CNTNAP4: variants seen among roughly 807,000 people sequenced by gnomAD.
CNTNAP4 encodes contactin associated protein family member 4.
In CNTNAP4, 98 loss-of-function variants were observed where a neutral mutation model predicts 148.4. That is an observed-to-expected ratio of 0.66 (90% CI 0.56 to 0.78). The LOEUF is 0.78. Ranked by LOEUF, CNTNAP4 falls within the 30% of genes least tolerant of loss-of-function variation. The probability of loss-of-function intolerance (pLI) is 0.00; values close to 1 mark genes in which losing one functional copy is unlikely to be tolerated. For synonymous variants in CNTNAP4, 730 were observed against 565.1 expected (o/e 1.29, Z -4.14); for missense variants, 1,935 against 1,565.6 (o/e 1.24, Z -3.98).
intron 2 of CNTNAP4, among the ~76,000 whole-genome samples, chr16:76,333,602 G>A (rs1963735869): frequency 6.6e-6 from 1 of 151,804 alleles, no homozygotes; most frequent in Non-Finnish European, 1.5e-5. Context: ...CTTCCTCAGG[G>A]GCAGTTTCTA....
chr16:76,476,612 G>C (rs1351336016), intron 11 of CNTNAP4, among the ~76,000 whole-genome samples: 3 of 152,300 alleles, frequency 2.0e-5, no homozygotes, highest in South Asian at 2.1e-4. Flanking sequence ...TCAAGATCAA[G>C]ATGCCAGCAG....
chr16:76,421,935 G>T (rs1479751734), intron 3 of CNTNAP4, among the ~76,000 whole-genome samples: 1 of 152,152 alleles, frequency 6.6e-6, no homozygotes. Context: ...TTATAACAGT[G>T]ACGTTTTAGA....
chr16:76,535,687 G>C lies in CNTNAP4; in HGVS notation c.2898G>C (p.Gly966=), dbSNP rs371905330. 6.2e-7 allele frequency: 1 copy of C among 1,614,016 alleles called. No individual in the cohort carries two copies. Among genetic ancestry groups the C allele is most frequent in the South Asian group, 1.1e-5 (1 of 91,088 alleles). Residue 966 remains glycine (G), a synonymous_variant, in exon 18 of 24, where the codon GGG becomes GGC. Coordinates refer to ENST00000611870, the MANE Select transcript of CNTNAP4 (RefSeq NM_033401.5). ...PGCRGHCSSY[G]KLCRNGGKCR... is the part of the protein sequence containing the mutation. ...GTAGGGGACATTGCAGCAGCTATGGGAAGTTATGCCGCAATGGAGGGAAAT... is the reference window on the plus strand; with the variant it reads ...GTAGGGGACATTGCAGCAGCTATGGCAAGTTATGCCGCAATGGAGGGAAAT...
chr16:76,370,137 A>G (rs1034242811), intron 3 of CNTNAP4, among the ~76,000 whole-genome samples: 3 of 152,198 alleles, frequency 2.0e-5, no homozygotes, highest in African/African-American at 7.2e-5. Context: ...AATATCTGGT[A>G]ACATTTACTG....
intron 4 of CNTNAP4, among the ~76,000 whole-genome samples, chr16:76,431,038 A>G (rs1044911788): frequency 6.6e-6 from 1 of 152,210 alleles, no homozygotes; most frequent in Admixed American, 6.5e-5. Flanking sequence ...GAAAAATTAT[A>G]TGAACTAAGT....
At chr16:76,431,481 C>T (rs908340593) in intron 4 of CNTNAP4, among the ~76,000 whole-genome samples, 4 of 152,110 alleles carry the variant, frequency 2.6e-5, no homozygotes, top group African/African-American at 9.7e-5. Context: ...GAGTTCGAGA[C>T]CAGCCTGGCC....
chr16:76,307,285 G>A, intron 1 of CNTNAP4, among the ~76,000 whole-genome samples: 1 of 151,810 alleles, frequency 6.6e-6, no homozygotes, highest in African/African-American at 2.4e-5. Context: ...GGAAAACATT[G>A]TTTGACTGCA....
At chr16:76,304,189 G>C (rs1960254078) in intron 1 of CNTNAP4, among the ~76,000 whole-genome samples, 1 of 152,112 alleles carries the variant, frequency 6.6e-6, no homozygotes, top group African/African-American at 2.4e-5. Context: ...GATAGGAAAG[G>C]CGATTTAAAT....
chr16:76,382,046 G>A (rs1277777133), intron 3 of CNTNAP4, among the ~76,000 whole-genome samples: 1 of 115,128 alleles, frequency 8.7e-6, no homozygotes, highest in Non-Finnish European at 1.6e-5. Flanking sequence ...GGGGGACAGA[G>A]CGAGACTCCG....
At chr16:76,373,278 T>C (rs973898289) in intron 3 of CNTNAP4, among the ~76,000 whole-genome samples, 2 of 151,674 alleles carry the variant, frequency 1.3e-5, no homozygotes, top group Non-Finnish European at 2.9e-5. Context: ...GTGAAATATA[T>C]TCCACATAAA....
chr16:76,335,253 A>C (rs946106119), intron 2 of CNTNAP4, among the ~76,000 whole-genome samples: 1 of 152,176 alleles, frequency 6.6e-6, no homozygotes, highest in Non-Finnish European at 1.5e-5. Flanking sequence ...CAGTGACAAT[A>C]ATAATTCCCT....
chr16:76,382,453 A>G (rs2016077080), intron 3 of CNTNAP4, among the ~76,000 whole-genome samples: 1 of 152,146 alleles, frequency 6.6e-6, no homozygotes, highest in Non-Finnish European at 1.5e-5. Flanking sequence ...TACTTAAAAT[A>G]TTGTGCTGTG....
intron 1 of CNTNAP4, among the ~76,000 whole-genome samples, chr16:76,300,848 A>T (rs1332136260): frequency 1.3e-5 from 2 of 152,182 alleles, no homozygotes; most frequent in Non-Finnish European, 2.9e-5. Context: ...TACATTAGAC[A>T]CTATGACATA....
At chr16:76,360,623 T>A (rs529693231) in intron 3 of CNTNAP4, among the ~76,000 whole-genome samples, 1 of 152,248 alleles carries the variant, frequency 6.6e-6, no homozygotes, top group South Asian at 2.1e-4. Context: ...TGCTTAGTAC[T>A]TGGCAAATGC....
chr16:76,475,904 T>C, intron 10 of CNTNAP4, 35 bp from the exon 11 acceptor site: 5 of 1,478,928 alleles, frequency 3.4e-6, no homozygotes, highest in Non-Finnish European at 4.7e-6. Context: ...TATCTAAAAA[T>C]GGAAACTGGT....
intron 3 of CNTNAP4, among the ~76,000 whole-genome samples, chr16:76,374,882 C>T (rs1168361489): frequency 6.6e-6 from 1 of 151,818 alleles, no homozygotes; most frequent in African/African-American, 2.4e-5. Context: ...GATTCTCCTG[C>T]CTCTGCCTCT....
chr16:76,474,251 C>T (rs2081481065), intron 10 of CNTNAP4, among the ~76,000 whole-genome samples: 2 of 152,152 alleles, frequency 1.3e-5, no homozygotes, highest in South Asian at 4.2e-4. Flanking sequence ...GGGTGACTCC[C>T]AGGTCCTTGA....
At chr16:76,291,086 C>T (rs1234722574) in intron 1 of CNTNAP4, among the ~76,000 whole-genome samples, 2 of 152,156 alleles carry the variant, frequency 1.3e-5, no homozygotes, top group Non-Finnish European at 2.9e-5. Flanking sequence ...GGCCCTCTCT[C>T]TGAATAAAGT....
At chr16:76,474,477 C>G (rs1278173343) in intron 10 of CNTNAP4, among the ~76,000 whole-genome samples, 3 of 152,120 alleles carry the variant, frequency 2.0e-5, no homozygotes, top group African/African-American at 7.2e-5. Flanking sequence ...GAAAAAAAAT[C>G]CATAATATCT....
Sources: allele counts gnomAD v4.1 joint callset (sites outside exome capture counted in the v4.1 genomes callset), GRCh38; gene constraint gnomAD v4.1.1; transcripts MANE v1.5; gene names NCBI Gene and HGNC (gene_info 2026-07-23, HGNC 2026-07-21).